Variants in GRIK2 observed in about 807,000 individuals in gnomAD.
GRIK2 encodes glutamate ionotropic receptor kainate type subunit 2, also known as glutamate receptor ionotropic, kainate 2.
Under a neutral mutation model 100.3 loss-of-function variants are expected in GRIK2, and 32 were observed. The observed-to-expected ratio is 0.32, with a 90% CI of 0.24 to 0.43. GRIK2 has a LOEUF of 0.43. Ranked by LOEUF, GRIK2 falls within the 20% of genes least tolerant of loss-of-function variation. GRIK2 has a pLI of 1.00. For synonymous variants in GRIK2, 417 were observed against 389.4 expected (o/e 1.07, Z -0.83); for missense variants, 843 against 1,114.9 (o/e 0.76, Z 3.47).
rs1583086092 is a variant in GRIK2 at position 101,758,413 on chromosome 6, A to G, written c.952-41235A>G. On this transcript the variant is annotated intron_variant, in intron 7 of 16. Transcript: ENST00000369134. ...TGATATATTATCCTCCTTAAAATAT[A>G]GTTTATGTAATTCAAAGCATATGTG... 2.6e-5 allele frequency among the ~76,000 whole-genome samples: 4 copies of G among 152,182 alleles called. No homozygotes were observed. In the East Asian group the frequency reaches 7.7e-4, roughly 29 times the overall value.
chr6:101,685,576 G>A (rs1306183227), intron 6 of GRIK2, among the ~76,000 whole-genome samples: 8 of 152,092 alleles, frequency 5.3e-5, no homozygotes, highest in Admixed American at 5.2e-4. Context: ...ACTAGAAAGG[G>A]CAACAGGCAT....
Position 101,523,957 on chromosome 6 carries a change from A to G in GRIK2, c.116-97992A>G, listed in dbSNP as rs1016281372. Among the ~76,000 whole-genome samples the G allele has an allele frequency of 8.5e-5, 13 of 152,142 alleles. No individual in the cohort carries two copies. The East Asian group carries it at 2.5e-3, about 30-fold the overall frequency. ...GGCTGGCCTCGAACCCCTGACCTCAAGCGATCCACCCGCCTTGGCCTCCCA... is the reference window on the plus strand; with the variant it reads ...GGCTGGCCTCGAACCCCTGACCTCAGGCGATCCACCCGCCTTGGCCTCCCA... On this transcript the variant is annotated intron_variant, in intron 2 of 16. Transcript: ENST00000369134.
chr6:101,482,483 G>T (rs1379551366), intron 2 of GRIK2, among the ~76,000 whole-genome samples: 1 of 152,046 alleles, frequency 6.6e-6, no homozygotes, highest in East Asian at 1.9e-4. Flanking sequence ...GTTCTTGTGG[G>T]TGAGACAAAA....
chr6:102,013,557 G>A (rs1057140964), intron 14 of GRIK2, among the ~76,000 whole-genome samples: 1 of 151,992 alleles, frequency 6.6e-6, no homozygotes, highest in African/African-American at 2.4e-5. Flanking sequence ...TTAGTATGAT[G>A]TTGGCTGTGG....
At chr6:101,654,067 C>G (rs1781944069) in intron 4 of GRIK2, among the ~76,000 whole-genome samples, 2 of 152,144 alleles carry the variant, frequency 1.3e-5, no homozygotes, top group Non-Finnish European at 2.9e-5. Context: ...TTCTTTGTAC[C>G]TAGGATAGCA....
intron 2 of GRIK2, among the ~76,000 whole-genome samples, chr6:101,603,581 T>A (rs1408734123): frequency 6.6e-6 from 1 of 151,736 alleles, no homozygotes; most frequent in East Asian, 1.9e-4. Flanking sequence ...ATTTAACATG[T>A]TTTTGCTTCT....
chr6:101,927,178 A>G (rs1448151089), intron 13 of GRIK2: 1 of 153,636 alleles, frequency 6.5e-6, no homozygotes, highest in East Asian at 1.9e-4. Context: ...TGAAATTGCA[A>G]TGGTAAGATG....
intron 2 of GRIK2, among the ~76,000 whole-genome samples, chr6:101,617,856 C>T (rs757678689): frequency 2.6e-5 from 4 of 151,640 alleles, no homozygotes; most frequent in African/African-American, 4.8e-5. Context: ...CACACACACA[C>T]GTGAAACTAC....
Position 101,586,361 on chromosome 6 carries a change from T to G in GRIK2, c.116-35588T>G, listed in dbSNP as rs183245347. ...TTACACAGCATATAATGTATACATT[T>G]TACTCTCCTCATGGTACAGAGATCT... On this transcript the variant is annotated intron_variant, in intron 2 of 16. Coordinates refer to ENST00000369134, the MANE Select transcript of GRIK2 (RefSeq NM_021956.5). Among the ~76,000 whole-genome samples the G allele has an allele frequency of 2.8e-4, 43 of 152,182 alleles. 1 individual carries two copies. In the East Asian group the frequency reaches 7.4e-3, roughly 26 times the overall value.
chr6:101,573,005 C>T (rs1777629756), intron 2 of GRIK2, among the ~76,000 whole-genome samples: 1 of 151,640 alleles, frequency 6.6e-6, no homozygotes, highest in South Asian at 2.1e-4. Context: ...TGCCACCATT[C>T]CCGGCTTATT....
At chr6:101,591,726 G>A (rs368682674) in intron 2 of GRIK2, among the ~76,000 whole-genome samples, 1 of 151,952 alleles carries the variant, frequency 6.6e-6, no homozygotes, top group African/African-American at 2.4e-5. Flanking sequence ...TGACTATAAA[G>A]CAAACAGAAT....
chr6:101,920,641 G>A (rs1326764864), intron 12 of GRIK2, among the ~76,000 whole-genome samples: 4 of 151,802 alleles, frequency 2.6e-5, no homozygotes, highest in African/African-American at 9.7e-5. Flanking sequence ...AAGGATGGGT[G>A]TAGGATTTGA....
At chr6:101,680,180 C>T (rs1429790948) in intron 5 of GRIK2, among the ~76,000 whole-genome samples, 1 of 152,144 alleles carries the variant, frequency 6.6e-6, no homozygotes, top group African/African-American at 2.4e-5. Flanking sequence ...GAAGAAAAAC[C>T]TGTAGCCATT....
At chr6:102,047,610 A>C (rs1212878575) in intron 15 of GRIK2, among the ~76,000 whole-genome samples, 1 of 151,844 alleles carries the variant, frequency 6.6e-6, no homozygotes. Flanking sequence ...TTAGCTGGGC[A>C]TGGTGGTGTG....
At chr6:101,758,117 G>C (rs1228060273) in intron 7 of GRIK2, among the ~76,000 whole-genome samples, 1 of 152,142 alleles carries the variant, frequency 6.6e-6, no homozygotes, top group Non-Finnish European at 1.5e-5. Flanking sequence ...CAGCTACTTG[G>C]GAGGCTGAGG....
intron 2 of GRIK2, among the ~76,000 whole-genome samples, chr6:101,456,566 A>G (rs2255496): frequency 0.24 from 35,835 of 152,012 alleles, 4,886 homozygotes; most frequent in East Asian, 0.31. Context: ...TACATGGCAC[A>G]TAAGTAAATG....
At chr6:101,810,591 A>G (rs1781267206) in intron 9 of GRIK2, among the ~76,000 whole-genome samples, 1 of 152,102 alleles carries the variant, frequency 6.6e-6, no homozygotes, top group Non-Finnish European at 1.5e-5. Context: ...TCTAGCTGGC[A>G]GGAAGCACAT....
At chr6:101,477,556 G>A (rs1350787923) in intron 2 of GRIK2, among the ~76,000 whole-genome samples, 1 of 152,172 alleles carries the variant, frequency 6.6e-6, no homozygotes, top group Non-Finnish European at 1.5e-5. Flanking sequence ...CCATTCTGTT[G>A]GCAAGATGTG....
intron 14 of GRIK2, among the ~76,000 whole-genome samples, chr6:102,005,119 GATA>G (rs1795142596): frequency 6.7e-6 from 1 of 149,144 alleles, no homozygotes; most frequent in Non-Finnish European, 1.5e-5. Context: ...AGAATAGAAG[GATA>G]ATATTTCATA....
Sources: gnomAD v4.1 joint callset for allele counts (sites outside exome capture counted in the v4.1 genomes callset) on GRCh38, gnomAD v4.1.1 for gene constraint, MANE v1.5 for transcripts, NCBI Gene and HGNC (gene_info 2026-07-23, HGNC 2026-07-21) for gene names.